Variants in LINGO1 observed in about 807,000 individuals in gnomAD.
LINGO1 encodes the protein leucine-rich repeat and immunoglobulin-like domain-containing nogo receptor-interacting protein 1.
A neutral mutation model predicts 37.3 loss-of-function variants in LINGO1; 11 were observed. The observed-to-expected ratio is 0.29, with a 90% confidence interval of 0.19 to 0.49. The LOEUF is 0.49. Ranked by LOEUF, LINGO1 falls within the 20% of genes least tolerant of loss-of-function variation. LINGO1 has a pLI of 0.99. For missense variants in LINGO1, 585 were observed against 878.2 expected (o/e 0.67, Z 4.22); for synonymous variants, 387 against 403.0 (o/e 0.96, Z 0.48).
intron 2 of LINGO1, among the ~76,000 whole-genome samples, chr15:77,795,202 C>G (rs1435941212): frequency 1.3e-5 from 2 of 152,176 alleles, no homozygotes; most frequent in African/African-American, 4.8e-5. Flanking sequence ...TGTCCAAGGT[C>G]ATGAGCAAGC....
At chr15:77,692,261 G>T (rs36078248) in intron 1 of LINGO1, among the ~76,000 whole-genome samples, 12,750 of 152,272 alleles carry the variant, frequency 0.084, 597 homozygotes, top group Middle Eastern at 0.13. Flanking sequence ...TTACCTCTAT[G>T]GTTTGGATGA....
In LINGO1 at chr15:77,702,372, G is replaced by A. The variant is rs557218963; in HGVS notation, c.-194-11471C>T. Among the ~76,000 whole-genome samples, 49 of 152,268 alleles carry A rather than the reference G, an allele frequency of 3.2e-4. No homozygotes were observed. In the South Asian group the frequency reaches 8.7e-3, roughly 27 times the overall value. ...CATGCCAAGGGGAAGTGCTGACCCT[G>A]TTACAGCACCTGCCATTCCTGAGGG... On this transcript the variant is annotated intron_variant, in intron 2 of 3. Coordinates refer to the LINGO1 transcript ENST00000561686.
At chr15:77,664,174 C>CGCGCGCGCGCGCGT (rs1555527601) in intron 3 of LINGO1, among the ~76,000 whole-genome samples, 2,972 of 100,386 alleles carry the variant, frequency 0.03, 158 homozygotes, top group African/African-American at 0.1. Flanking sequence ...TGTGTGTGCG[C>CGCGCGCGCGCGCGT]GCGCGCATGC....
In LINGO1 at chr15:77,800,454, G is replaced by A. The variant is rs533958923; in HGVS notation, c.-457-4401C>T. Among the ~76,000 whole-genome samples, 23 of 152,296 alleles carry A rather than the reference G, an allele frequency of 1.5e-4. No homozygotes were observed. In the South Asian group the frequency reaches 4.8e-3, roughly 32 times the overall value. On this transcript the variant is annotated intron_variant, in intron 1 of 5. Coordinates refer to the LINGO1 transcript ENST00000562933. ...CAGCTGGACAGAGGGAGAGTAGAGA[G>A]CTGAAGATGGATATGGAGCCGAAGA...
At chr15:77,818,559 G>C (rs1596258286) in intron 1 of LINGO1, among the ~76,000 whole-genome samples, 1 of 152,318 alleles carries the variant, frequency 6.6e-6, no homozygotes, top group East Asian at 1.9e-4. Flanking sequence ...GGTCGGGTGG[G>C]GCGCGCCTTG....
chr15:77,780,314 T>C (rs895746990), intron 1 of LINGO1, among the ~76,000 whole-genome samples: 2 of 152,026 alleles, frequency 1.3e-5, no homozygotes, highest in Non-Finnish European at 2.9e-5. Flanking sequence ...GGCAGGCGTG[T>C]GGGTCTGAAG....
intron 1 of LINGO1, among the ~76,000 whole-genome samples, chr15:77,801,269 C>T (rs1166652331): frequency 6.6e-6 from 1 of 152,168 alleles, no homozygotes; most frequent in Non-Finnish European, 1.5e-5. Flanking sequence ...ATGGCCTAAA[C>T]GTTTATCGAT....
chr15:77,716,477 GA>G (rs1317559924), intron 2 of LINGO1, among the ~76,000 whole-genome samples: 2 of 149,134 alleles, frequency 1.3e-5, no homozygotes, highest in East Asian at 2.1e-4. Flanking sequence ...AGGGAGTCAA[GA>G]GTCATCCTAG....
chr15:77,678,550 TTATC>T (rs752237583), intron 2 of LINGO1, among the ~76,000 whole-genome samples: 17 of 152,384 alleles, frequency 1.1e-4, no homozygotes, highest in Non-Finnish European at 2.4e-4. Context: ...ACTCCGTTGT[TTATC>T]CATTCAGCAG....
chr15:77,773,335 G>T (rs905525171), intron 1 of LINGO1, among the ~76,000 whole-genome samples: 1 of 152,216 alleles, frequency 6.6e-6, no homozygotes, highest in Non-Finnish European at 1.5e-5. Flanking sequence ...AATGTGGCCA[G>T]CATGAATGAA....
intron 1 of LINGO1, among the ~76,000 whole-genome samples, chr15:77,765,079 A>C (rs1367864953): frequency 6.7e-6 from 1 of 148,940 alleles, no homozygotes; most frequent in African/African-American, 2.6e-5. Flanking sequence ...ATGGTTTTGA[A>C]AGTTGGAGAG....
In LINGO1 at chr15:77,632,408, C is replaced by T. The variant is rs2074284741; in HGVS notation, c.-93G>A. 8.1e-7 allele frequency: 1 copy of T among 1,234,608 alleles called. No homozygotes were observed. The highest frequency in any genetic ancestry group is 1.0e-6 in the Non-Finnish European group (1 of 976,388). 76.5% of individuals were successfully genotyped at this position (1,234,608 alleles called of 1,614,324 possible). On this transcript the variant is annotated 5_prime_UTR_variant, in exon 1 of 2. Transcript: ENST00000355300. This position sits in a 1 kb window ranked among gnomAD's most constrained non-coding sequence, Gnocchi z 6.0. ...GCCCCAGCCCCTGCCCAGCCCCCTC[C>T]TCCGTTTCCTCCTCCTCCGACACCT...
At chr15:77,748,478 G>T (rs569976526) in intron 1 of LINGO1, among the ~76,000 whole-genome samples, 1 of 152,162 alleles carries the variant, frequency 6.6e-6, no homozygotes, top group Non-Finnish European at 1.5e-5. Flanking sequence ...CTCAGGGCCC[G>T]CCCTCAAGGT....
chr15:77,617,572 C>G (rs1264357325), intron 1 of LINGO1, among the ~76,000 whole-genome samples: 1 of 152,180 alleles, frequency 6.6e-6, no homozygotes, highest in Non-Finnish European at 1.5e-5. Flanking sequence ...TCCACCCTAG[C>G]TCAGGCCCTT....
At chr15:77,664,171 G>GTGCGCGCGCGCGCA (rs1491170228) in intron 3 of LINGO1, among the ~76,000 whole-genome samples, 1 of 88,258 alleles carries the variant, frequency 1.1e-5, no homozygotes, top group Admixed American at 1.1e-4. Flanking sequence ...GTGTGTGTGT[G>GTGCGCGCGCGCGCA]CGCGCGCGCA....
At chr15:77,708,315 A>T (rs1309568887) in intron 2 of LINGO1, among the ~76,000 whole-genome samples, 1 of 152,202 alleles carries the variant, frequency 6.6e-6, no homozygotes, top group Admixed American at 6.5e-5. Flanking sequence ...GTGTGCCCTG[A>T]AGAGCAGAGT....
chr15:77,647,796 G>C (rs751383226), intron 3 of LINGO1: 3 of 450,320 alleles, frequency 6.7e-6, no homozygotes, highest in South Asian at 3.1e-5. Flanking sequence ...TTCTTTCCTT[G>C]TCTCTCTCTC....
intron 1 of LINGO1, among the ~76,000 whole-genome samples, chr15:77,752,174 T>C (rs959340638): frequency 6.6e-6 from 1 of 152,170 alleles, no homozygotes; most frequent in African/African-American, 2.4e-5. Context: ...ATAGCATCCC[T>C]GGAAAATGTT....
intron 2 of LINGO1, among the ~76,000 whole-genome samples, chr15:77,714,886 C>T (rs2075965217): frequency 6.6e-6 from 1 of 152,252 alleles, no homozygotes. Context: ...TGGCTGGGAG[C>T]TGCTTCCAGT....
Sources: allele counts gnomAD v4.1 joint callset (sites outside exome capture counted in the v4.1 genomes callset), GRCh38; gene constraint gnomAD v4.1.1; non-coding constraint Gnocchi (gnomAD v3.1); transcripts MANE v1.5; gene names NCBI Gene and HGNC (gene_info 2026-07-23, HGNC 2026-07-21).